LRGUK: variants seen among roughly 807,000 people sequenced by gnomAD.
LRGUK encodes leucine rich repeats and guanylate kinase domain containing.
Under a neutral mutation model 76.0 loss-of-function variants are expected in LRGUK, and 65 were observed. That is an observed-to-expected ratio of 0.85 (90% CI 0.70 to 1.05). The LOEUF is 1.05. Among genes scored for constraint, LRGUK ranks in the 50% least tolerant of loss-of-function variants. LRGUK has a pLI of 0.00. For missense variants in LRGUK, 758 were observed against 732.8 expected (o/e 1.03, Z -0.40); for synonymous variants, 268 against 265.6 (o/e 1.01, Z -0.09).
chr7:134,161,609 A>G (rs1362297726), intron 6 of LRGUK, among the ~76,000 whole-genome samples: 1 of 152,066 alleles, frequency 6.6e-6, no homozygotes, highest in East Asian at 1.9e-4. Flanking sequence ...AAAAATAGGA[A>G]GAAAATGAGC....
At chr7:134,263,570 A>G (rs1406371375) in intron 19 of LRGUK, among the ~76,000 whole-genome samples, 1 of 151,032 alleles carries the variant, frequency 6.6e-6, no homozygotes, top group Non-Finnish European at 1.5e-5. Context: ...AACCATGTAC[A>G]TGCTATATTC....
intron 7 of LRGUK, among the ~76,000 whole-genome samples, chr7:134,168,369 T>C (rs75228016): frequency 3.3e-5 from 5 of 152,104 alleles, no homozygotes; most frequent in African/African-American, 7.2e-5. Context: ...CCATCTCTTA[T>C]AAAAAAACAA....
At chr7:134,200,093 T>C (rs1309105804) in intron 14 of LRGUK, among the ~76,000 whole-genome samples, 2 of 145,386 alleles carry the variant, frequency 1.4e-5, no homozygotes, top group Admixed American at 1.4e-4. Context: ...TGCAGTGGCG[T>C]GATCTTGGTT....
chr7:134,212,626 C>T (rs1744385406), downstream of LRGUK, among the ~76,000 whole-genome samples: 1 of 152,138 alleles, frequency 6.6e-6, no homozygotes, highest in Non-Finnish European at 1.5e-5. Flanking sequence ...GAAAATAATA[C>T]AGTAATTGTA....
At chr7:134,243,566 G>A (rs1299365413) in intron 16 of LRGUK, among the ~76,000 whole-genome samples, 1 of 152,074 alleles carries the variant, frequency 6.6e-6, no homozygotes, top group Non-Finnish European at 1.5e-5. Flanking sequence ...ACAAACAAAT[G>A]GAAGAACATT....
At chr7:134,271,838 G>A in the LRGUK span, among the ~76,000 whole-genome samples, 535 of 151,940 alleles carry the variant, frequency 3.5e-3, 4 homozygotes, top group African/African-American at 0.012. Flanking sequence ...GTTTTTAAAG[G>A]TTATATTTTC....
intron 11 of LRGUK, among the ~76,000 whole-genome samples, chr7:134,184,643 C>T (rs993840555): frequency 1.3e-5 from 2 of 152,192 alleles, no homozygotes; most frequent in Admixed American, 6.5e-5. Flanking sequence ...CTGCTTCCCC[C>T]ACCCACCACA....
At chr7:134,222,521 T>A (rs1801626095) in intron 16 of LRGUK, among the ~76,000 whole-genome samples, 1 of 152,238 alleles carries the variant, frequency 6.6e-6, no homozygotes, top group African/African-American at 2.4e-5. Context: ...TGCAATTTGC[T>A]GCAGAAGCAA....
At chr7:134,243,318 C>T (rs894112662) in intron 16 of LRGUK, among the ~76,000 whole-genome samples, 7 of 152,100 alleles carry the variant, frequency 4.6e-5, no homozygotes, top group African/African-American at 1.7e-4. Context: ...TCGTCTCAGC[C>T]CAAAATCTCC....
At chr7:134,182,767 A>G (rs570108751) in intron 10 of LRGUK, among the ~76,000 whole-genome samples, 1 of 152,258 alleles carries the variant, frequency 6.6e-6, no homozygotes, top group African/African-American at 2.4e-5. Context: ...GATGATGATG[A>G]TGATGATTTT....
chr7:134,267,811 T>C (rs2544188), downstream of LRGUK, among the ~76,000 whole-genome samples: 22,252 of 152,066 alleles, frequency 0.15, 4,163 homozygotes, highest in African/African-American at 0.44. Context: ...GAAAAACTTC[T>C]TATTGGGTAC....
At chr7:134,174,671 G>A in intron 8 of LRGUK, 35 bp downstream of exon 8, 1 of 1,199,120 alleles carries the variant, frequency 8.3e-7, no homozygotes, top group Non-Finnish European at 1.2e-6. Context: ...GGGAGACAGA[G>A]AAGAAAGTGG....
At chr7:134,201,666 G>T in intron 15 of LRGUK, 90 bp downstream of exon 15, 1 of 858,776 alleles carries the variant, frequency 1.2e-6, no homozygotes, top group South Asian at 1.6e-5. Flanking sequence ...CTCATCACTT[G>T]GGCTAAAGCT....
At chr7:134,233,557 C>T (rs1326789453) in intron 16 of LRGUK, among the ~76,000 whole-genome samples, 1 of 152,200 alleles carries the variant, frequency 6.6e-6, no homozygotes, top group Non-Finnish European at 1.5e-5. Context: ...CACTTGCATC[C>T]ACCAAGCACC....
At chr7:134,202,912 A>T (rs1293717465) in intron 15 of LRGUK, among the ~76,000 whole-genome samples, 2 of 152,208 alleles carry the variant, frequency 1.3e-5, no homozygotes, top group African/African-American at 4.8e-5. Flanking sequence ...GTACTTAAAA[A>T]TGGTTAAGAT....
the LRGUK span, among the ~76,000 whole-genome samples, chr7:134,270,739 A>G: frequency 1.3e-5 from 2 of 152,092 alleles, no homozygotes; most frequent in African/African-American, 4.8e-5. Flanking sequence ...ATATAATATC[A>G]CACTGTAAGA....
intron 6 of LRGUK, among the ~76,000 whole-genome samples, chr7:134,162,712 A>AG (rs1798797282): frequency 6.6e-6 from 1 of 150,678 alleles, no homozygotes; most frequent in African/African-American, 2.4e-5. Context: ...CTGTAGTCCC[A>AG]GGTACTTGGG....
At chr7:134,227,024 G>T (rs928890101) in intron 16 of LRGUK, among the ~76,000 whole-genome samples, 4 of 148,512 alleles carry the variant, frequency 2.7e-5, no homozygotes, top group Non-Finnish European at 4.4e-5. Context: ...TTCCTGCTGA[G>T]AACAACTAGA....
chr7:134,205,447 G>A (rs1253686409), intron 15 of LRGUK, among the ~76,000 whole-genome samples: 1 of 152,084 alleles, frequency 6.6e-6, no homozygotes, highest in Non-Finnish European at 1.5e-5. Context: ...TCACCTCATT[G>A]CTCCTGCTCT....
Sources: gnomAD v4.1 joint callset for allele counts (sites outside exome capture counted in the v4.1 genomes callset) on GRCh38, gnomAD v4.1.1 for gene constraint, MANE v1.5 for transcripts, NCBI Gene and HGNC (gene_info 2026-07-23, HGNC 2026-07-21) for gene names.